Variants in FGF12 observed in about 807,000 individuals in gnomAD.
FGF12 encodes fibroblast growth factor 12.
Under a neutral mutation model 23.6 loss-of-function variants are expected in FGF12, and 14 were observed. The observed-to-expected ratio is 0.59, with a 90% CI of 0.39 to 0.93. FGF12 has a LOEUF of 0.93. Among genes scored for constraint, FGF12 ranks in the 40% least tolerant of loss-of-function variants. The probability of loss-of-function intolerance (pLI) is 0.00; values close to 1 mark genes in which losing one functional copy is unlikely to be tolerated. For synonymous variants in FGF12, 62 were observed against 77.3 expected (o/e 0.80, Z 1.04); for missense variants, 175 against 217.8 (o/e 0.80, Z 1.24).
In FGF12 at chr3:192,408,758, G is replaced by T; in HGVS notation, c.14-48220C>A. ...CGCCCCCGGTAGAAAATACTAAAAA[G>T]TGAATAAAACGTTCCTTTAGAAAAC... On this transcript the variant is annotated intron_variant, in intron 2 of 5. Transcript: ENST00000445105. This position sits in a 1 kb window ranked among gnomAD's most constrained non-coding sequence, Gnocchi z 7.3. 3.0e-6 allele frequency: 3 copies of T among 986,378 alleles called. No homozygotes were observed. Among genetic ancestry groups the T allele is most frequent in the Non-Finnish European group, 3.6e-6 (3 of 830,680 alleles). The allele number at this position is 986,378 out of a possible 1,614,324, so 61.1% of individuals were successfully genotyped here.
chr3:192,495,544 C>T (rs976729062), intron 2 of FGF12, among the ~76,000 whole-genome samples: 1 of 152,132 alleles, frequency 6.6e-6, no homozygotes, highest in Non-Finnish European at 1.5e-5. Context: ...CTCCAGGATG[C>T]TGTAAACTCA....
At chr3:192,369,028 G>A (rs1046597063) in intron 2 of FGF12, among the ~76,000 whole-genome samples, 2 of 152,088 alleles carry the variant, frequency 1.3e-5, no homozygotes, top group African/African-American at 4.8e-5. Flanking sequence ...AAGCTCCATT[G>A]TGCATAGGTT....
intron 2 of FGF12, among the ~76,000 whole-genome samples, chr3:192,592,501 T>G (rs1713669246): frequency 6.6e-6 from 1 of 151,852 alleles, no homozygotes; most frequent in African/African-American, 2.4e-5. Context: ...TGTTTCTTTC[T>G]TAGGGTTATG....
At chr3:192,386,888 T>C (rs1300531346) in intron 2 of FGF12, among the ~76,000 whole-genome samples, 1 of 152,216 alleles carries the variant, frequency 6.6e-6, no homozygotes, top group Non-Finnish European at 1.5e-5. Context: ...TTACAATGTT[T>C]CAGGTACAGG....
At chr3:192,225,905 A>G (rs1437014832) in intron 4 of FGF12, among the ~76,000 whole-genome samples, 2 of 152,200 alleles carry the variant, frequency 1.3e-5, no homozygotes, top group African/African-American at 4.8e-5. Context: ...AAATAGACAA[A>G]TCCATACAGA....
At chr3:192,353,926 C>A (rs370366843) in intron 3 of FGF12, among the ~76,000 whole-genome samples, 9 of 152,170 alleles carry the variant, frequency 5.9e-5, no homozygotes, top group Non-Finnish European at 1.2e-4. Flanking sequence ...TACCTGCATG[C>A]CCTTGTGATA....
chr3:192,392,613 AGAGAGAG>A, intron 2 of FGF12, among the ~76,000 whole-genome samples: 1 of 115,054 alleles, frequency 8.7e-6, no homozygotes, highest in African/African-American at 3.3e-5. Flanking sequence ...AGAGAGAGAG[AGAGAGAG>A]AGAGAGAGAG....
At chr3:192,558,226 A>G (rs1409830644) in intron 2 of FGF12, among the ~76,000 whole-genome samples, 1 of 151,962 alleles carries the variant, frequency 6.6e-6, no homozygotes, top group East Asian at 1.9e-4. Flanking sequence ...TAATAAATTC[A>G]GCAAAGCTGC....
intron 2 of FGF12, among the ~76,000 whole-genome samples, chr3:192,493,692 G>A (rs1043818756): frequency 5.9e-5 from 9 of 152,152 alleles, no homozygotes; most frequent in East Asian, 1.9e-4. Context: ...TAATTCACAC[G>A]GCCAGACCAG....
chr3:192,540,165 T>C (rs1725329467), intron 2 of FGF12, among the ~76,000 whole-genome samples: 1 of 152,068 alleles, frequency 6.6e-6, no homozygotes, highest in African/African-American at 2.4e-5. Context: ...AACTTTATTA[T>C]TTTTTCTCTA....
At position 192,323,333 on chromosome 3, in the gene FGF12, A is replaced by G. The variant is rs529182663; in HGVS notation, c.228+12028T>C. ...ACAACCTATCCATCAACCGATGAAT[A>G]GATAAAGAAGATATGGTATATATGC... On this transcript the variant is annotated intron_variant, in intron 4 of 5. Coordinates refer to ENST00000445105, the MANE Select transcript of FGF12 (RefSeq NM_004113.6). Among the ~76,000 whole-genome samples, 4 of 152,360 alleles carry G rather than the reference A, an allele frequency of 2.6e-5. No homozygotes were observed. In the South Asian group the frequency reaches 6.2e-4, roughly 24 times the overall value.
chr3:192,318,286 G>C (rs1218191542), intron 4 of FGF12, among the ~76,000 whole-genome samples: 1 of 152,114 alleles, frequency 6.6e-6, no homozygotes, highest in African/African-American at 2.4e-5. Context: ...CAGAGAGATA[G>C]ACAGAATTCA....
chr3:192,536,700 T>G lies in FGF12; in HGVS notation c.14-176162A>C, dbSNP rs536363222. ...TGTGGGTACATACTGGGTGTATTTA[T>G]GGGGTACATAAGATATTTTGATACA... On this transcript the variant is annotated intron_variant, in intron 2 of 5. Transcript: ENST00000445105. 5.3e-5 allele frequency among the ~76,000 whole-genome samples: 8 copies of G among 152,292 alleles called. No individual in the cohort carries two copies. The East Asian group carries it at 1.3e-3, about 26-fold the overall frequency.
intron 2 of FGF12, among the ~76,000 whole-genome samples, chr3:192,722,804 G>T (rs1054355799): frequency 6.6e-6 from 1 of 152,172 alleles, no homozygotes; most frequent in Non-Finnish European, 1.5e-5. Context: ...CCACGAGAAG[G>T]TTAATATATT....
chr3:192,587,834 TAATCTCTCTCA>T (rs1713435600), intron 2 of FGF12, among the ~76,000 whole-genome samples: 2 of 151,828 alleles, frequency 1.3e-5, no homozygotes, highest in African/African-American at 4.8e-5. Flanking sequence ...CATATATACG[TAATCTCTCTCA>T]AATCTGAAAA....
chr3:192,248,562 T>G (rs1487281284), intron 4 of FGF12, among the ~76,000 whole-genome samples: 1 of 152,058 alleles, frequency 6.6e-6, no homozygotes, highest in Non-Finnish European at 1.5e-5. Context: ...ATAATACTTA[T>G]AAAACCTTGG....
chr3:192,329,908 A>G (rs1717019846), intron 4 of FGF12, among the ~76,000 whole-genome samples: 1 of 152,218 alleles, frequency 6.6e-6, no homozygotes, highest in Non-Finnish European at 1.5e-5. Context: ...ATAAGTTTCC[A>G]ACATGCTTAA....
At chr3:192,654,731 C>T (rs1259868357) in intron 2 of FGF12, among the ~76,000 whole-genome samples, 1 of 152,202 alleles carries the variant, frequency 6.6e-6, no homozygotes, top group Admixed American at 6.5e-5. Context: ...CACCACCCTG[C>T]ATCACAGTTT....
At chr3:192,318,572 A>G (rs1372564687) in intron 4 of FGF12, among the ~76,000 whole-genome samples, 1 of 152,154 alleles carries the variant, frequency 6.6e-6, no homozygotes, top group Non-Finnish European at 1.5e-5. Context: ...AAAATGAAGC[A>G]TGCCTACAAG....
Sources: allele counts gnomAD v4.1 joint callset (sites outside exome capture counted in the v4.1 genomes callset), GRCh38; gene constraint gnomAD v4.1.1; non-coding constraint Gnocchi (gnomAD v3.1); transcripts MANE v1.5; gene names NCBI Gene and HGNC (gene_info 2026-07-23, HGNC 2026-07-21).